The following TLN2 variants were observed in gnomAD, a reference collection of about 807,000 sequenced individuals.
TLN2 encodes talin 2, also known as talin-2.
In TLN2, 118 loss-of-function variants were observed where a neutral mutation model predicts 294.7. The observed-to-expected ratio is 0.40, with a 90% CI of 0.34 to 0.47. The LOEUF (loss-of-function observed/expected upper bound fraction) is 0.47, where lower values mean the gene tolerates loss of function less well. TLN2 is among the 20% of genes least tolerant of loss of function. The pLI is 0.84. For synonymous variants in TLN2, 1,431 were observed against 1,304.5 expected, an observed-to-expected ratio of 1.10 and a Z score of -2.09; for missense variants, 3,083 against 3,282.2, an observed-to-expected ratio of 0.94 and a Z score of 1.48.
chr15:62,647,249 A>T (rs2051989528), intron 3 of TLN2, 26 bp from the exon 4 acceptor site: 2 of 1,557,716 alleles, frequency 1.3e-6, no homozygotes, highest in East Asian at 2.3e-5. Flanking sequence ...CGTGAACATC[A>T]GGGTTTGTCT....
chr15:62,698,643 C>T, intron 15 of TLN2, 111 bp from the exon 16 acceptor site: 1 of 796,702 alleles, frequency 1.3e-6, no homozygotes, highest in African/African-American at 1.7e-5. Context: ...TGAGATGTAG[C>T]CTGGGCTGCT....
intron 1 of TLN2, among the ~76,000 whole-genome samples, chr15:62,572,249 A>G (rs951173826): frequency 6.9e-6 from 1 of 144,648 alleles, no homozygotes; most frequent in Non-Finnish European, 1.5e-5. Flanking sequence ...TTTTTTTTTT[A>G]TTTTTAAATA....
intron 37 of TLN2, among the ~76,000 whole-genome samples, chr15:62,758,908 C>T (rs2062479136): frequency 6.6e-6 from 1 of 152,002 alleles, no homozygotes; most frequent in South Asian, 2.1e-4. Flanking sequence ...GGAGTTTAAG[C>T]TTAAATTGTC....
chr15:62,544,311 A>G (rs545293519), intron 1 of TLN2, among the ~76,000 whole-genome samples: 58 of 152,184 alleles, frequency 3.8e-4, no homozygotes, highest in African/African-American at 1.4e-3. Flanking sequence ...TCCCAAACTC[A>G]TAGCGCCTCT....
intron 1 of TLN2, among the ~76,000 whole-genome samples, chr15:62,516,775 G>C (rs1183737130): frequency 1.3e-5 from 2 of 152,196 alleles, no homozygotes; most frequent in Non-Finnish European, 2.9e-5. Context: ...ATTCTTAGTA[G>C]CTTTGCCTCG....
At chr15:62,690,061 T>C in intron 12 of TLN2, among the ~76,000 whole-genome samples, 1 of 80,374 alleles carries the variant, frequency 1.2e-5, no homozygotes, top group African/African-American at 5.7e-5. Flanking sequence ...GAGGCGCCCC[T>C]CACCTCCCGG....
Position 62,649,048 on chromosome 15 carries a change from A to T in TLN2, c.137-1036A>T, listed in dbSNP as rs193209318. Reference sequence around the variant, plus strand: ...TTTTTTGTAGATACAAGGTCTTGCTATGTTGCCCAGGCTGGTCTCATACTC... The same window carrying T: ...TTTTTTGTAGATACAAGGTCTTGCTTTGTTGCCCAGGCTGGTCTCATACTC... On this transcript the variant is annotated intron_variant, in intron 4 of 58. Transcript: ENST00000636159. Among the ~76,000 whole-genome samples the T allele has an allele frequency of 2.0e-5, 3 of 151,674 alleles. No individual in the cohort carries two copies. In the East Asian group the frequency reaches 5.9e-4, roughly 30 times the overall value.
intron 1 of TLN2, among the ~76,000 whole-genome samples, chr15:62,573,593 CCTCT>C (rs2044114398): frequency 1.3e-5 from 2 of 152,240 alleles, no homozygotes; most frequent in African/African-American, 2.4e-5. Flanking sequence ...CAGCTTCCCT[CCTCT>C]CTCCCTGGCC....
At chr15:62,500,662 TGAGAA>T (rs1364701538) in intron 1 of TLN2, among the ~76,000 whole-genome samples, 5 of 152,196 alleles carry the variant, frequency 3.3e-5, no homozygotes, top group African/African-American at 1.2e-4. Context: ...GAGAAATGGC[TGAGAA>T]AAGACCCGAA....
intron 1 of TLN2, among the ~76,000 whole-genome samples, chr15:62,552,035 G>C (rs373422562): frequency 4.5e-4 from 68 of 152,280 alleles, no homozygotes; most frequent in African/African-American, 1.6e-3. Flanking sequence ...GACATTGTTC[G>C]CTTTTTGAGT....
At chr15:62,562,783 A>C (rs1018116395) in intron 1 of TLN2, among the ~76,000 whole-genome samples, 1 of 151,962 alleles carries the variant, frequency 6.6e-6, no homozygotes, top group African/African-American at 2.4e-5. Flanking sequence ...CTTACGAGTG[A>C]GAATATATGA....
In TLN2 at chr15:62,707,244, A is replaced by G; in HGVS notation, c.2163A>G (p.Ala721=). 2 of 1,611,204 alleles carry G rather than the reference A, an allele frequency of 1.2e-6. No individual in the cohort carries two copies. The highest frequency in any genetic ancestry group is 1.1e-5 in the South Asian group (1 of 90,678). ...QCALSTSQLV[A]CAKVVSPTIS... ...CCCTCTCCACCTCCCAGCTTGTGGC[A>G]TGTGCCAAGGTAAGCCAGCTGGCAC... is the stretch of plus-strand genomic sequence containing the variant. Residue 721 remains alanine (A), a synonymous_variant, in exon 20 of 59, where the codon GCA becomes GCG. Coordinates refer to ENST00000636159, the MANE Select transcript of TLN2 (RefSeq NM_015059.3).
At chr15:62,487,481 A>G (rs939136162) in intron 1 of TLN2, among the ~76,000 whole-genome samples, 8 of 152,096 alleles carry the variant, frequency 5.3e-5, no homozygotes, top group African/African-American at 1.9e-4. Flanking sequence ...CAAATGCCCA[A>G]TTGTTGGGCA....
At position 62,738,319 on chromosome 15, in the gene TLN2, C is replaced by T; in HGVS notation, c.3673C>T (p.Leu1225=). 6.2e-7 allele frequency: 1 copy of T among 1,613,978 alleles called. No individual in the cohort carries two copies. The highest frequency in any genetic ancestry group is 8.5e-7 in the Non-Finnish European group (1 of 1,179,928). ...LKSIGESSKK[L]LVDSLPPSTK... ...GAGCATCGGGGAGTCCAGCAAGAAG[C>T]TGCTTGTGGATTCGGTGAGAGGTTC... is the stretch of plus-strand genomic sequence containing the variant. The change falls in exon 30 of 59, where the codon CTG becomes TTG. Residue 1225 remains leucine, a synonymous_variant. Coordinates refer to ENST00000636159, the MANE Select transcript of TLN2 (RefSeq NM_015059.3).
intron 2 of TLN2, among the ~76,000 whole-genome samples, chr15:62,607,999 G>A (rs545387048): frequency 2.3e-4 from 35 of 152,234 alleles, no homozygotes; most frequent in African/African-American, 8.4e-4. Flanking sequence ...TGACATTTTT[G>A]TTAGGCTTTT....
At chr15:62,574,261 A>T (rs1374085505) in intron 1 of TLN2, among the ~76,000 whole-genome samples, 1 of 151,562 alleles carries the variant, frequency 6.6e-6, no homozygotes, top group African/African-American at 2.4e-5. Context: ...TTTGCCTTTA[A>T]CTTCAACCTG....
chr15:62,694,055 G>T (rs937504776), intron 13 of TLN2, among the ~76,000 whole-genome samples: 35 of 142,050 alleles, frequency 2.5e-4, no homozygotes, highest in African/African-American at 9.3e-4. Context: ...TGCAGGCTCC[G>T]CCTCCCAGTT....
intron 28 of TLN2, among the ~76,000 whole-genome samples, chr15:62,728,213 G>A (rs1379387970): frequency 6.6e-6 from 1 of 152,132 alleles, no homozygotes; most frequent in African/African-American, 2.4e-5. Flanking sequence ...TTTTTGAGCT[G>A]TAAGTAAATG....
At chr15:62,667,664 G>A (rs1239881383) in intron 9 of TLN2, among the ~76,000 whole-genome samples, 1 of 152,218 alleles carries the variant, frequency 6.6e-6, no homozygotes, top group African/African-American at 2.4e-5. Context: ...TGGTCATGCA[G>A]TGACTTGATG....
Sources: allele counts gnomAD v4.1 joint callset (sites outside exome capture counted in the v4.1 genomes callset), GRCh38; gene constraint gnomAD v4.1.1; transcripts MANE v1.5; gene names NCBI Gene and HGNC (gene_info 2026-07-23, HGNC 2026-07-21).